Variants in USP5 observed in about 807,000 individuals in gnomAD.
The protein encoded by USP5 is ubiquitin carboxyl-terminal hydrolase 5.
USP5 carries 24 observed loss-of-function variants against 102.5 expected under a neutral mutation model. The ratio of observed to expected loss-of-function variants is 0.23; its 90% CI spans 0.17 to 0.33. The LOEUF is 0.33. USP5 is among the 10% of genes least tolerant of loss of function. The pLI is 1.00. For synonymous variants in USP5, 460 were observed against 434.8 expected, an observed-to-expected ratio of 1.06 and a Z score of -0.72; for missense variants, 753 against 1,122.1, an observed-to-expected ratio of 0.67 and a Z score of 4.70.
At chr12:6,857,361 T>A in intron 6 of USP5, 1 of 429,780 alleles carries the variant, frequency 2.3e-6, no homozygotes, top group African/African-American at 2.0e-5. Flanking sequence ...ATCCCTTTCC[T>A]ACCAAGCCTG....
At position 6,856,445 on chromosome 12, in the gene USP5, T is replaced by C; in HGVS notation, c.579T>C (p.Pro193=). The change falls in exon 5 of 20, where the codon CCT becomes CCC. Residue 193 remains proline (P), a synonymous_variant. Transcript: ENST00000229268. The surrounding 1 kb of genome is among the most constrained non-coding windows in gnomAD (Gnocchi z 5.6). ...AGTTGGACAACCCTGCTCGAATCCC[T>C]CCCTGGTGAGGCCTGGCCCCTCTGC... ...LKQLDNPARI[P]PCGWKCSKCD... 1 of 1,609,556 alleles carries C rather than the reference T, an allele frequency of 6.2e-7. No homozygotes were observed. The highest frequency in any genetic ancestry group is 8.5e-7 in the Non-Finnish European group (1 of 1,177,496).
At chr12:6,865,818 T>C (rs1944429142) in intron 19 of USP5, among the ~76,000 whole-genome samples, 166 bp from the exon 20 acceptor site, 1 of 152,090 alleles carries the variant, frequency 6.6e-6, no homozygotes, top group African/African-American at 2.4e-5. Context: ...CCGTGACCCT[T>C]GTGAGGTTGT....
chr12:6,863,456 T>C lies in USP5; in HGVS notation c.1954+79T>C, dbSNP rs782298906. 6.5e-4 allele frequency: 966 copies of C among 1,482,124 alleles called. No individual in the cohort carries two copies. Among genetic ancestry groups the C allele is most frequent in the Non-Finnish European group, 7.6e-4 (822 of 1,087,230 alleles). 91.8% of individuals were successfully genotyped at this position (1,482,124 alleles called of 1,614,324 possible). A position where few individuals can be genotyped will look rare whatever the true frequency, so the allele number is the denominator to read the frequency against. On this transcript the variant is annotated intron_variant, in intron 15 of 19. Transcript: ENST00000229268. This position sits in a 1 kb window ranked among gnomAD's most constrained non-coding sequence, Gnocchi z 4.7. ...TGCCTTGCATCCCCTGCCCCTGTCCTTTGTGTTTCTCCTGTCCTCCCTTTC... is the reference window on the plus strand; with the variant it reads ...TGCCTTGCATCCCCTGCCCCTGTCCCTTGTGTTTCTCCTGTCCTCCCTTTC...
At chr12:6,853,242 A>G (rs1335926653) in intron 1 of USP5, among the ~76,000 whole-genome samples, 4 of 152,160 alleles carry the variant, frequency 2.6e-5, no homozygotes, top group Admixed American at 6.5e-5. Context: ...GTATTCTGCC[A>G]GAACCAGCTC....
At chr12:6,862,074 CTGTG>C (rs1944294556) in intron 13 of USP5, among the ~76,000 whole-genome samples, 1 of 149,666 alleles carries the variant, frequency 6.7e-6, no homozygotes, top group Non-Finnish European at 1.5e-5. Flanking sequence ...CTCTTCCTCT[CTGTG>C]TGGGTTTTTT....
Position 6,863,030 on chromosome 12 carries a change from T to G in USP5, c.1763-156T>G. ...GGCCTCCCAACTCCCAGGCTTAGTA[T>G]TATTTGTCTTATACTGGGACCCCTA... On this transcript the variant is annotated intron_variant, in intron 14 of 19. Transcript: ENST00000229268. The surrounding 1 kb of genome is among the most constrained non-coding windows in gnomAD (Gnocchi z 4.7). 4 of 666,452 alleles carry G rather than the reference T, an allele frequency of 6.0e-6. No homozygotes were observed. Among genetic ancestry groups the G allele is most frequent in the Non-Finnish European group, 9.7e-6 (4 of 411,264 alleles). 41.3% of individuals were successfully genotyped at this position (666,452 alleles called of 1,614,324 possible). A position where few individuals can be genotyped will look rare whatever the true frequency, so the allele number is the denominator to read the frequency against.
chr12:6,856,787 G>A lies in USP5; in HGVS notation c.665G>A (p.Arg222His). The change falls in exon 6 of 20, where the codon CGC becomes CAC. Residue 222 changes from arginine (R) to histidine (H), a missense_variant. Physicochemically the swap from Arg to His is conservative, Grantham distance 29. Around this residue, in one of 3 missense-constraint regions of USP5, gnomAD observed 527 missense variants for 816.5 expected, o/e 0.65. Transcript: ENST00000229268. The surrounding 1 kb of genome is among the most constrained non-coding windows in gnomAD (Gnocchi z 5.6). ...LTDGSILCGR[R>H]YFDGSGGNNH... ...GATGGCTCCATCCTCTGTGGGCGAC[G>A]CTACTTCGATGGCAGTGGGGGCAAC... 10 of 1,614,062 alleles carry A rather than the reference G, an allele frequency of 6.2e-6. No homozygotes were observed. The highest frequency in any genetic ancestry group is 7.6e-6 in the Non-Finnish European group (9 of 1,180,004).
At position 6,861,195 on chromosome 12, in the gene USP5, G is replaced by A; in HGVS notation, c.1498+89G>A. On this transcript the variant is annotated intron_variant, in intron 12 of 19. Coordinates refer to ENST00000229268, the MANE Select transcript of USP5 (RefSeq NM_001098536.2). The surrounding 1 kb of genome is among the most constrained non-coding windows in gnomAD (Gnocchi z 4.9). The stretch of plus-strand genomic sequence containing the variant: ...GGCACCTCATGGGAGCACAGCCCAG[G>A]GAATGCCCTGCTTCACCAGCCAAGG... 6.4e-7 allele frequency: 1 copy of A among 1,555,826 alleles called. No homozygotes were observed. The highest frequency in any genetic ancestry group is 1.2e-5 in the South Asian group (1 of 85,204).
Position 6,856,973 on chromosome 12 carries a change from T to C in USP5, c.769+82T>C, listed in dbSNP as rs1944134676. ...AATTTCGTGTGACATGTATAATACA[T>C]GAATGCATTATCTTGATAAGAAAGG... On this transcript the variant is annotated intron_variant, in intron 6 of 19. Transcript: ENST00000229268. This position sits in a 1 kb window ranked among gnomAD's most constrained non-coding sequence, Gnocchi z 5.6. 3 of 1,494,788 alleles carry C rather than the reference T, an allele frequency of 2.0e-6. No individual in the cohort carries two copies. The South Asian group carries it at 3.8e-5, about 19-fold the overall frequency. The allele number at this position is 1,494,788 out of a possible 1,614,324, so 92.6% of individuals were successfully genotyped here. A position where few individuals can be genotyped will look rare whatever the true frequency, so the allele number is the denominator to read the frequency against.
At chr12:6,857,103 T>C (rs782665550) in intron 6 of USP5, among the ~76,000 whole-genome samples, 10 of 151,786 alleles carry the variant, frequency 6.6e-5, no homozygotes, top group Non-Finnish European at 1.0e-4. Flanking sequence ...CTGGGCAACA[T>C]AGTGAGACCT....
chr12:6,856,300 C>G lies in USP5; in HGVS notation c.439-5C>G. On this transcript the variant is annotated splice_polypyrimidine_tract_variant and splice_region_variant and intron_variant, in intron 4 of 19. Coordinates refer to ENST00000229268, the MANE Select transcript of USP5 (RefSeq NM_001098536.2). The surrounding 1 kb of genome is among the most constrained non-coding windows in gnomAD (Gnocchi z 5.6). ...GTATTGCCTCTGACCCTCTGCTTCC[C>G]CCAGGTGACCAGTGCAGTGGAGGCC... The G allele has an allele frequency of 6.2e-7, 1 of 1,611,510 alleles. No homozygotes were observed. The highest frequency in any genetic ancestry group is 8.5e-7 in the Non-Finnish European group (1 of 1,178,528).
chr12:6,859,399 T>C, intron 8 of USP5, 71 bp from the exon 9 acceptor site: 1 of 1,488,720 alleles, frequency 6.7e-7, no homozygotes, highest in African/African-American at 1.4e-5. Context: ...AGTTAGTAAA[T>C]GTTTGCTTCC....
Position 6,856,134 on chromosome 12 carries a change from A to C in USP5, c.422A>C (p.Asp141Ala), listed in dbSNP as rs782408714. 2.4e-5 allele frequency: 39 copies of C among 1,614,006 alleles called. No homozygotes were observed. The highest frequency in any genetic ancestry group is 8.0e-5 in the African/African-American group (6 of 74,890). The change falls in exon 4 of 20, where the codon GAC becomes GCC. Residue 141 changes from aspartate (D) to alanine (A), a missense_variant. Asp to Ala is a moderately radical substitution (Grantham distance 126). Coordinates refer to ENST00000229268, the MANE Select transcript of USP5 (RefSeq NM_001098536.2). This position sits in a 1 kb window ranked among gnomAD's most constrained non-coding sequence, Gnocchi z 5.6. ...CGGGATGGACTGGGGGGACTGCCTG[A>C]CATTGTCAGAGATCGGGTATGACTG... ...IARDGLGGLP[D>A]IVRDRVTSAV... is the part of the protein sequence containing the mutation.
intron 1 of USP5, among the ~76,000 whole-genome samples, chr12:6,853,606 TCTTTACA>T (rs1555127533): frequency 6.6e-6 from 1 of 152,222 alleles, no homozygotes; most frequent in African/African-American, 2.4e-5. Flanking sequence ...AGTGGGTCCC[TCTTTACA>T]CTTTTATTCA....
chr12:6,856,947 T>C lies in USP5; in HGVS notation c.769+56T>C. On this transcript the variant is annotated intron_variant, in intron 6 of 19. Coordinates refer to ENST00000229268, the MANE Select transcript of USP5 (RefSeq NM_001098536.2). The surrounding 1 kb of genome is among the most constrained non-coding windows in gnomAD (Gnocchi z 5.6). ...TGCTTAAATATATTTCATTTGTTAG[T>C]AATTTCGTGTGACATGTATAATACA... The C allele has an allele frequency of 6.3e-7, 1 of 1,576,276 alleles. No individual in the cohort carries two copies. The highest frequency in any genetic ancestry group is 8.6e-7 in the Non-Finnish European group (1 of 1,158,794).
At position 6,862,530 on chromosome 12, in the gene USP5, C is replaced by T. The variant is rs782058077; in HGVS notation, c.1734C>T (p.Phe578=). 14 of 1,614,040 alleles carry T rather than the reference C, an allele frequency of 8.7e-6. No homozygotes were observed. Among genetic ancestry groups the T allele is most frequent in the South Asian group, 3.3e-5 (3 of 91,084 alleles). The change falls in exon 14 of 20, where the codon TTC becomes TTT. Residue 578 remains phenylalanine (F), a synonymous_variant. Coordinates refer to ENST00000229268, the MANE Select transcript of USP5 (RefSeq NM_001098536.2). ...YLVIQIKKFT[F]GLDWVPKKLD... ...TCATCCAGATCAAGAAGTTCACCTT[C>T]GGCTTAGACTGGGTGCCCAAGAAAC... is the stretch of plus-strand genomic sequence containing the variant.
In USP5 at chr12:6,864,680, C is replaced by T. The variant is rs782774901; in HGVS notation, c.2245-42C>T. On this transcript the variant is annotated intron_variant, in intron 17 of 19. Transcript: ENST00000229268. This position sits in a 1 kb window ranked among gnomAD's most constrained non-coding sequence, Gnocchi z 4.8. ...CTCCAGCCTGGGCGACAGAGCAAGA[C>T]TCCGTCTCAAGAAAAAAAGTAATGC... The T allele has an allele frequency of 4.9e-5, 77 of 1,580,868 alleles. No homozygotes were observed. Among genetic ancestry groups the T allele is most frequent in the Non-Finnish European group, 6.4e-5 (75 of 1,167,722 alleles).
rs781889403 is a variant in USP5, at chr12:6,865,201, C to G, written c.2436C>G (p.Thr812=). ...TTGCCTTCATTAGTCACATGGGCACCTCTACCATGTGTGGTCACTACGTCT... is the reference window on the plus strand; with the variant it reads ...TTGCCTTCATTAGTCACATGGGCACGTCTACCATGTGTGGTCACTACGTCT... The part of the protein sequence containing the change: ...QLFAFISHMG[T]STMCGHYVCH... Residue 812 remains threonine, a synonymous_variant, in exon 19 of 20, where the codon ACC becomes ACG. Transcript: ENST00000229268. 3 of 1,614,042 alleles carry G rather than the reference C, an allele frequency of 1.9e-6. No homozygotes were observed. Among genetic ancestry groups the G allele is most frequent in the Admixed American group, 3.3e-5 (2 of 60,006 alleles).
Position 6,861,190 on chromosome 12 carries a change from C to A in USP5, c.1498+84C>A. The A allele has an allele frequency of 6.4e-7, 1 of 1,564,498 alleles. No homozygotes were observed. The highest frequency in any genetic ancestry group is 8.7e-7 in the Non-Finnish European group (1 of 1,155,024). On this transcript the variant is annotated intron_variant, in intron 12 of 19. Coordinates refer to ENST00000229268, the MANE Select transcript of USP5 (RefSeq NM_001098536.2). This position sits in a 1 kb window ranked among gnomAD's most constrained non-coding sequence, Gnocchi z 4.9. ...GCTTGGGCACCTCATGGGAGCACAG[C>A]CCAGGGAATGCCCTGCTTCACCAGC...
Sources: allele counts gnomAD v4.1 joint callset (sites outside exome capture counted in the v4.1 genomes callset), GRCh38; gene constraint gnomAD v4.1.1; regional missense constraint gnomAD v4.1.1; non-coding constraint Gnocchi (gnomAD v3.1); transcripts MANE v1.5; gene names NCBI Gene and HGNC (gene_info 2026-07-23, HGNC 2026-07-21).